Variants in AXDND1 observed in about 807,000 individuals in gnomAD.
AXDND1 encodes axonemal dynein light chain domain-containing protein 1.
AXDND1 carries 110 observed loss-of-function variants against 137.5 expected under a neutral mutation model. The observed-to-expected ratio is 0.80, with a 90% CI of 0.69 to 0.94. AXDND1 has a LOEUF of 0.94. AXDND1 is among the 40% of genes least tolerant of loss of function. The pLI is 0.00. For missense variants in AXDND1, 1,191 were observed against 1,169.8 expected (o/e 1.02, Z -0.26); for synonymous variants, 414 against 399.7 (o/e 1.04, Z -0.43).
chr1:179,516,479 G>A (rs1482247795), intron 21 of AXDND1, among the ~76,000 whole-genome samples: 1 of 152,106 alleles, frequency 6.6e-6, no homozygotes, highest in Non-Finnish European at 1.5e-5. Context: ...TTCTTGGTTT[G>A]GAACCATTGC....
rs745963799 is a variant in AXDND1 at position 179,533,836 on chromosome 1, T to G, written c.2757T>G (p.Leu919=). The G allele has an allele frequency of 3.1e-6, 5 of 1,613,336 alleles. No individual in the cohort carries two copies. In the South Asian group the frequency reaches 5.5e-5, roughly 18 times the overall value. The change falls in exon 24 of 26, where the codon CTT becomes CTG. Residue 919 remains leucine, a synonymous_variant. Transcript: ENST00000367618. The part of the protein sequence containing the change: ...AKQGTLAQKY[L]EAMAVIEHMQ... ...AAGGTACATTGGCCCAAAAATATCTTGAAGCAATGGCTGTAATTGAACATA... is the reference window on the plus strand; with the variant it reads ...AAGGTACATTGGCCCAAAAATATCTGGAAGCAATGGCTGTAATTGAACATA...
intron 16 of AXDND1, chr1:179,448,913 G>C (rs1159806280): frequency 5.7e-6 from 1 of 175,368 alleles, no homozygotes; most frequent in Non-Finnish European, 1.2e-5. Flanking sequence ...TTGAGACAGA[G>C]TTGTGCTGTG....
At chr1:179,504,887 G>T (rs1241820618) in intron 20 of AXDND1, among the ~76,000 whole-genome samples, 2 of 152,182 alleles carry the variant, frequency 1.3e-5, no homozygotes, top group East Asian at 3.9e-4. Context: ...CTATGCAAAG[G>T]CCTTCTTCTG....
chr1:179,433,791 A>G lies in AXDND1; in HGVS notation c.1563+1449A>G, dbSNP rs61012137. ...GAGTGTTTTACTTCCAATTGTGTGG[A>G]TGATTTTAGAATAAGTGCCATGTGG... is the stretch of plus-strand genomic sequence containing the variant. On this transcript the variant is annotated intron_variant, in intron 15 of 25. Coordinates refer to ENST00000367618, the MANE Select transcript of AXDND1 (RefSeq NM_144696.6). Among the ~76,000 whole-genome samples the G allele has an allele frequency of 3.1e-3, 465 of 152,218 alleles. 21 individuals are homozygous for G. In the East Asian group the frequency reaches 0.068, roughly 22 times the overall value.
intron 9 of AXDND1, among the ~76,000 whole-genome samples, chr1:179,391,021 G>C (rs1216994984): frequency 6.6e-6 from 1 of 151,370 alleles, no homozygotes; most frequent in Non-Finnish European, 1.5e-5. Context: ...GGTCAGGCTG[G>C]TCTCAAACTC....
At chr1:179,466,306 GAT>G (rs1663190262) in intron 16 of AXDND1, among the ~76,000 whole-genome samples, 1 of 80,996 alleles carries the variant, frequency 1.2e-5, no homozygotes, top group Admixed American at 1.5e-4. Flanking sequence ...TTTTTTTTGA[GAT>G]GGGGTCTAAT....
chr1:179,423,739 A>T lies in AXDND1; in HGVS notation c.1231-5779A>T, dbSNP rs574167680. Among the ~76,000 whole-genome samples, 3 of 152,264 alleles carry T rather than the reference A, an allele frequency of 2.0e-5. No individual in the cohort carries two copies. The South Asian group carries it at 6.2e-4, about 31-fold the overall frequency. ...AATGAAAAAAATACGCTTTAACTCT[A>T]TTCTCCTCAACATTTTGACTTTTAG... is the stretch of plus-strand genomic sequence containing the variant. On this transcript the variant is annotated intron_variant, in intron 12 of 25. Transcript: ENST00000367618.
intron 21 of AXDND1, among the ~76,000 whole-genome samples, chr1:179,521,669 C>G (rs985465799): frequency 1.3e-5 from 2 of 151,902 alleles, no homozygotes; most frequent in African/African-American, 4.8e-5. Flanking sequence ...TCTACCTTAA[C>G]CTGTAGAATT....
intron 20 of AXDND1, among the ~76,000 whole-genome samples, chr1:179,499,313 A>C (rs1371241745): frequency 6.6e-6 from 1 of 151,766 alleles, no homozygotes; most frequent in African/African-American, 2.4e-5. Context: ...AAACATGTTG[A>C]GTGAAAGAAG....
chr1:179,372,141 G>A (rs1668095381), intron 4 of AXDND1, among the ~76,000 whole-genome samples: 2 of 152,072 alleles, frequency 1.3e-5, no homozygotes, highest in Admixed American at 6.6e-5. Flanking sequence ...TATGCATAAC[G>A]AGATAACTTG....
intron 17 of AXDND1, among the ~76,000 whole-genome samples, chr1:179,480,429 C>T (rs1381269837): frequency 1.3e-5 from 2 of 152,122 alleles, no homozygotes; most frequent in Non-Finnish European, 2.9e-5. Flanking sequence ...GGAGACCGCC[C>T]CCATGATTCA....
At chr1:179,372,250 CA>C (rs1159402362) in intron 4 of AXDND1, among the ~76,000 whole-genome samples, 1 of 152,068 alleles carries the variant, frequency 6.6e-6, no homozygotes, top group East Asian at 1.9e-4. Flanking sequence ...CAGCAGAGTT[CA>C]GTGCAGAAAA....
chr1:179,492,928 C>A lies in AXDND1; in HGVS notation c.2365C>A (p.Leu789Ile), dbSNP rs1445488955. Residue 789 changes from leucine to isoleucine, a missense_variant, in exon 20 of 26, where the codon CTT becomes ATT. Transcript: ENST00000367618. ...TNSHKNATED[L>I]YEVDKLKKEC... is the part of the protein sequence containing the mutation. ...CTCACACAAAAATGCTACTGAAGACCTTTATGAGGTGGATAAGTTGAAGGT... is the reference window on the plus strand; with the variant it reads ...CTCACACAAAAATGCTACTGAAGACATTTATGAGGTGGATAAGTTGAAGGT... 2.5e-6 allele frequency: 4 copies of A among 1,608,420 alleles called. No individual in the cohort carries two copies. In the Admixed American group the frequency reaches 5.1e-5, roughly 20 times the overall value.
At chr1:179,510,912 C>A (rs1668981064) in intron 21 of AXDND1, among the ~76,000 whole-genome samples, 1 of 151,422 alleles carries the variant, frequency 6.6e-6, no homozygotes, top group Non-Finnish European at 1.5e-5. Context: ...ACCCTTCCCC[C>A]CAAATCCCCA....
intron 21 of AXDND1, among the ~76,000 whole-genome samples, chr1:179,515,263 C>T (rs1669428878): frequency 6.6e-6 from 1 of 151,938 alleles, no homozygotes; most frequent in African/African-American, 2.4e-5. Flanking sequence ...GTAGTGGTGG[C>T]TTGGTAGTGG....
chr1:179,380,304 A>G (rs959738168), intron 6 of AXDND1, among the ~76,000 whole-genome samples: 1 of 133,702 alleles, frequency 7.5e-6, no homozygotes, highest in African/African-American at 2.6e-5. Flanking sequence ...AATAAAAACT[A>G]AAAGTACTTA....
At position 179,491,749 on chromosome 1, in the gene AXDND1, A is replaced by G. The variant is rs545023013; in HGVS notation, c.2291+12A>G. On this transcript the variant is annotated intron_variant, in intron 19 of 25. Coordinates refer to ENST00000367618, the MANE Select transcript of AXDND1 (RefSeq NM_144696.6). ...AGCTATTTGAGCAGGTGAAGCGGTTATTTTATTGTTGCCCTTTTGAAGAAT... is the reference window on the plus strand; with the variant it reads ...AGCTATTTGAGCAGGTGAAGCGGTTGTTTTATTGTTGCCCTTTTGAAGAAT... 2 of 1,525,144 alleles carry G rather than the reference A, an allele frequency of 1.3e-6. No individual in the cohort carries two copies. The highest frequency in any genetic ancestry group is 1.3e-5 in the South Asian group (1 of 75,408). 94.5% of individuals were successfully genotyped at this position (1,525,144 alleles called of 1,614,324 possible).
chr1:179,432,146 A>G, intron 14 of AXDND1, 121 bp from the exon 15 acceptor site: 1 of 1,262,274 alleles, frequency 7.9e-7, no homozygotes, highest in Non-Finnish European at 1.1e-6. Flanking sequence ...TGGACCTGGA[A>G]GGCATGCTTC....
intron 12 of AXDND1, among the ~76,000 whole-genome samples, chr1:179,416,219 TAAC>T (rs1412158784): frequency 6.6e-6 from 1 of 152,178 alleles, no homozygotes; most frequent in Non-Finnish European, 1.5e-5. Flanking sequence ...TTATTTCACT[TAAC>T]AAAATGACCT....
Sources: gnomAD v4.1 joint callset for allele counts (sites outside exome capture counted in the v4.1 genomes callset) on GRCh38, gnomAD v4.1.1 for gene constraint, MANE v1.5 for transcripts, NCBI Gene and HGNC (gene_info 2026-07-23, HGNC 2026-07-21) for gene names.